ADORA1: variants seen among roughly 807,000 people sequenced by gnomAD.
ADORA1 encodes adenosine receptor A1.
ADORA1 carries 6 observed loss-of-function variants against 19.9 expected under a neutral mutation model. The ratio of observed to expected loss-of-function variants is 0.30; its 90% CI spans 0.17 to 0.59. The LOEUF (loss-of-function observed/expected upper bound fraction) is 0.59, where lower values mean the gene tolerates loss of function less well. ADORA1 is among the 20% of genes least tolerant of loss of function. The probability of loss-of-function intolerance (pLI) is 0.87; values close to 1 mark genes in which losing one functional copy is unlikely to be tolerated. For missense variants in ADORA1, 302 were observed against 439.2 expected, an observed-to-expected ratio of 0.69 and a Z score of 2.79; for synonymous variants, 194 against 188.4, an observed-to-expected ratio of 1.03 and a Z score of -0.24.
At position 203,167,363 on chromosome 1, in the gene ADORA1, C is replaced by G. The variant is rs1271385275; in HGVS notation, c.*1463C>G. The G allele has an allele frequency of 2.0e-5, 3 of 152,270 alleles. No homozygotes were observed. Among genetic ancestry groups the G allele is most frequent in the Admixed American group, 6.5e-5 (1 of 15,280 alleles). The allele number at this position is 152,270 out of a possible 1,614,324, so 9.4% of individuals were successfully genotyped here. A position where few individuals can be genotyped will look rare whatever the true frequency, so the allele number is the denominator to read the frequency against. On this transcript the variant is annotated 3_prime_UTR_variant, in exon 4 of 4. Coordinates refer to ENST00000337894, the MANE Select transcript of ADORA1 (RefSeq NM_000674.3). ...GTTGGAAATTGGGTGTGCCCTGGCT[C>G]CCAAGGGAGGCCCATGTGACTAATA...
At position 203,128,798 on chromosome 1, in the gene ADORA1, G is replaced by T. The variant is rs778264891; in HGVS notation, c.-44G>T. 12 of 1,549,358 alleles carry T rather than the reference G, an allele frequency of 7.7e-6. No individual in the cohort carries two copies. The highest frequency in any genetic ancestry group is 1.0e-5 in the Non-Finnish European group (12 of 1,151,598). ...CTGACCACACAGGTGCTTGCCTCGT[G>T]CCCCTTGGTGCCCGTCTGCTGATGT... is the stretch of plus-strand genomic sequence containing the variant. On this transcript the variant is annotated 5_prime_UTR_variant, in exon 3 of 4. Transcript: ENST00000337894. This position sits in a 1 kb window ranked among gnomAD's most constrained non-coding sequence, Gnocchi z 5.9.
At chr1:203,150,547 T>G in intron 3 of ADORA1, 1 of 1,217,594 alleles carries the variant, frequency 8.2e-7, no homozygotes, top group Non-Finnish European at 1.1e-6. Flanking sequence ...CTTCCTGCTG[T>G]TATTTGGGCT....
At chr1:203,141,017 C>T (rs903718999) in intron 3 of ADORA1, among the ~76,000 whole-genome samples, 11 of 152,242 alleles carry the variant, frequency 7.2e-5, no homozygotes, top group African/African-American at 2.2e-4. Context: ...TGACTGGCAA[C>T]AATCAGGGTC....
intron 3 of ADORA1, among the ~76,000 whole-genome samples, chr1:203,143,514 G>GGT (rs1319872828): frequency 1.3e-5 from 2 of 151,450 alleles, no homozygotes; most frequent in African/African-American, 4.9e-5. Flanking sequence ...TTCTTAGTGG[G>GGT]GTGTGTGTAT....
intron 3 of ADORA1, among the ~76,000 whole-genome samples, chr1:203,147,422 T>A (rs1277160607): frequency 3.9e-5 from 6 of 152,142 alleles, no homozygotes; most frequent in Admixed American, 3.3e-4. Context: ...TCCTTCATGA[T>A]CCAAAACAAT....
Position 203,165,206 on chromosome 1 carries a change from G to A in ADORA1, c.342-55G>A. The stretch of plus-strand genomic sequence containing the variant: ...TGGAGGCCAGGCGTGCCTCAGAGGG[G>A]CCTTTCGAGGCAGCTGGGAGGCAGA... On this transcript the variant is annotated intron_variant, in intron 3 of 3. Transcript: ENST00000337894. This position sits in a 1 kb window ranked among gnomAD's most constrained non-coding sequence, Gnocchi z 5.9. 6.3e-7 allele frequency: 1 copy of A among 1,599,716 alleles called. No homozygotes were observed. The highest frequency in any genetic ancestry group is 1.1e-5 in the South Asian group (1 of 89,312).
At chr1:203,145,706 G>A (rs2102749022) in intron 3 of ADORA1, among the ~76,000 whole-genome samples, 1 of 152,364 alleles carries the variant, frequency 6.6e-6, no homozygotes, top group East Asian at 1.9e-4. Flanking sequence ...ATGCCTCACA[G>A]GACTGTGGGG....
intron 3 of ADORA1, among the ~76,000 whole-genome samples, chr1:203,146,229 T>C (rs776964293): frequency 3.7e-4 from 57 of 152,168 alleles, no homozygotes; most frequent in Non-Finnish European, 7.8e-4. Flanking sequence ...GTGACTTCTT[T>C]GGTAGCAGAT....
At chr1:203,129,365 G>A (rs866916029) in intron 3 of ADORA1, 183 bp downstream of exon 3, 4 of 862,200 alleles carry the variant, frequency 4.6e-6, no homozygotes, top group Middle Eastern at 5.8e-4. Context: ...AACAGGAGGG[G>A]GATGGGTGGC....
At chr1:203,141,221 G>A (rs112058259) in intron 3 of ADORA1, among the ~76,000 whole-genome samples, 4,670 of 151,520 alleles carry the variant, frequency 0.031, 110 homozygotes, top group Non-Finnish European at 0.049. Context: ...GCTCGTGGCA[G>A]CCCCATCAGC....
At chr1:203,138,238 G>A (rs2102741010) in intron 3 of ADORA1, among the ~76,000 whole-genome samples, 1 of 152,316 alleles carries the variant, frequency 6.6e-6, no homozygotes, top group Middle Eastern at 3.4e-3. Flanking sequence ...ATTTAGACAT[G>A]CTGACTTTGG....
At chr1:203,155,126 C>G (rs1250063673) in intron 3 of ADORA1, among the ~76,000 whole-genome samples, 1 of 151,814 alleles carries the variant, frequency 6.6e-6, no homozygotes, top group African/African-American at 2.4e-5. Flanking sequence ...ACTGCAACCT[C>G]CACCTCCCAG....
chr1:203,127,979 A>G (rs2102730551), intron 1 of ADORA1, 51 bp downstream of exon 1: 1 of 187,118 alleles, frequency 5.3e-6, no homozygotes, highest in Non-Finnish European at 1.1e-5. Flanking sequence ...GGGGTGCAGG[A>G]GAGGGTTGAA....
chr1:203,138,991 G>T (rs1471873514), intron 3 of ADORA1, among the ~76,000 whole-genome samples: 1 of 152,072 alleles, frequency 6.6e-6, no homozygotes, highest in East Asian at 1.9e-4. Flanking sequence ...GCTAATATTT[G>T]TATTTTTAGT....
At chr1:203,159,007 T>C (rs533401199) in intron 3 of ADORA1, among the ~76,000 whole-genome samples, 1 of 152,360 alleles carries the variant, frequency 6.6e-6, no homozygotes, top group African/African-American at 2.4e-5. Flanking sequence ...CCTTTCAACA[T>C]TGTTGCATTG....
chr1:203,148,899 C>G (rs1204833117), intron 3 of ADORA1, among the ~76,000 whole-genome samples: 1 of 151,360 alleles, frequency 6.6e-6, no homozygotes, highest in Non-Finnish European at 1.5e-5. Flanking sequence ...TTTTTTTAGA[C>G]GGAGTTTTTG....
At chr1:203,143,426 A>G (rs367996912) in intron 3 of ADORA1, among the ~76,000 whole-genome samples, 86 of 152,348 alleles carry the variant, frequency 5.6e-4, no homozygotes, top group African/African-American at 2.0e-3. Context: ...AGTTTTCAAC[A>G]CATGAAATTT....
At chr1:203,151,525 T>G (rs1166661415) in intron 3 of ADORA1, among the ~76,000 whole-genome samples, 1 of 152,208 alleles carries the variant, frequency 6.6e-6, no homozygotes, top group Non-Finnish European at 1.5e-5. Context: ...AAGGGTCGAT[T>G]GTGTATTCCA....
intron 3 of ADORA1, among the ~76,000 whole-genome samples, chr1:203,149,240 A>G (rs1167724512): frequency 2.6e-5 from 4 of 152,302 alleles, no homozygotes; most frequent in African/African-American, 9.6e-5. Context: ...GTGGATGGAA[A>G]AAAAAGGCTT....
Sources: allele counts gnomAD v4.1 joint callset (sites outside exome capture counted in the v4.1 genomes callset), GRCh38; gene constraint gnomAD v4.1.1; non-coding constraint Gnocchi (gnomAD v3.1); transcripts MANE v1.5; gene names NCBI Gene and HGNC (gene_info 2026-07-23, HGNC 2026-07-21).